The following GRIK4 variants were observed in gnomAD, a reference collection of about 807,000 sequenced individuals.
The protein encoded by GRIK4 is glutamate receptor ionotropic, kainate 4.
GRIK4 carries 40 observed loss-of-function variants against 104.9 expected under a neutral mutation model. The observed-to-expected ratio is 0.38, with a 90% CI of 0.30 to 0.50. GRIK4 has a LOEUF of 0.50. GRIK4 is among the 20% of genes least tolerant of loss of function. The pLI is 0.93. For missense variants in GRIK4, 1,047 were observed against 1,308.1 expected, an observed-to-expected ratio of 0.80 and a Z score of 3.08; for synonymous variants, 485 against 524.9, an observed-to-expected ratio of 0.92 and a Z score of 1.04.
intron 3 of GRIK4, among the ~76,000 whole-genome samples, chr11:120,660,651 T>C (rs1309219521): frequency 6.6e-6 from 1 of 152,148 alleles, no homozygotes; most frequent in Non-Finnish European, 1.5e-5. Context: ...GTGCAGTCAA[T>C]GTAGGTTCAG....
In GRIK4 at chr11:120,787,852, C is replaced by CTTTTTTTTTTTTTTTT. The variant is rs58523604; in HGVS notation, c.83-14827_83-14812dup. On this transcript the variant is annotated intron_variant, in intron 3 of 20. Transcript: ENST00000527524. ...TTTCTTCTCTTTTTTCTTTTCTTTT[C>CTTTTTTTTTTTTTTTT]TTTTTTTTTTTTTTTTTTTTTTTTT... Among the ~76,000 whole-genome samples, 12 of 77,114 alleles carry CTTTTTTTTTTTTTTTT rather than the reference C, an allele frequency of 1.6e-4. 2 individuals carry two copies. The highest frequency in any genetic ancestry group is 4.3e-4 in the African/African-American group (7 of 16,212). 50.6% of individuals were successfully genotyped at this position (77,114 alleles called of 152,430 possible). A position where few individuals can be genotyped will look rare whatever the true frequency, so the allele number is the denominator to read the frequency against.
intron 3 of GRIK4, among the ~76,000 whole-genome samples, chr11:120,704,047 C>T (rs1377228225): frequency 1.3e-5 from 2 of 152,160 alleles, no homozygotes; most frequent in Non-Finnish European, 2.9e-5. Context: ...AGGCGAAAAA[C>T]GAAACTCTTT....
chr11:120,982,354 G>A, intron 20 of GRIK4, 130 bp downstream of exon 20: 1 of 670,008 alleles, frequency 1.5e-6, no homozygotes, highest in East Asian at 2.5e-5. Flanking sequence ...GTGCCCAGCA[G>A]AGGGGATTTG....
chr11:120,791,893 A>T (rs568851660), intron 3 of GRIK4, among the ~76,000 whole-genome samples: 157 of 152,232 alleles, frequency 1.0e-3, no homozygotes, highest in African/African-American at 3.7e-3. Context: ...CACGGGTCAA[A>T]GTAGTAATTA....
intron 1 of GRIK4, among the ~76,000 whole-genome samples, chr11:120,642,014 C>G (rs1949477202): frequency 6.6e-6 from 1 of 152,180 alleles, no homozygotes; most frequent in African/African-American, 2.4e-5. Context: ...TTCCGGTGTT[C>G]CCATGGCAAC....
chr11:120,741,033 G>A (rs1286568949), intron 3 of GRIK4, among the ~76,000 whole-genome samples: 1 of 152,058 alleles, frequency 6.6e-6, no homozygotes, highest in African/African-American at 2.4e-5. Flanking sequence ...TGTGTGAGGG[G>A]CAAGTTTCTG....
chr11:120,780,467 T>G lies in GRIK4; in HGVS notation c.83-22226T>G, dbSNP rs184799334. On this transcript the variant is annotated intron_variant, in intron 3 of 20. Transcript: ENST00000527524. ...CTTGTAGTATGTGTCAGAATTTCCT[T>G]CCTTTGTAAGGCTGAATCATATTCC... Among the ~76,000 whole-genome samples, 168 of 152,346 alleles carry G rather than the reference T, an allele frequency of 1.1e-3. No individual in the cohort carries two copies. The East Asian group carries it at 0.022, about 20-fold the overall frequency.
chr11:120,579,227 C>A (rs545856647), intron 1 of GRIK4, among the ~76,000 whole-genome samples: 15 of 129,370 alleles, frequency 1.2e-4, no homozygotes, highest in African/African-American at 4.5e-4. Flanking sequence ...ACAAAATAAC[C>A]CCCCCCCCTT....
chr11:120,634,764 C>CGTGG (rs915428256), intron 1 of GRIK4, among the ~76,000 whole-genome samples: 2 of 152,092 alleles, frequency 1.3e-5, no homozygotes, highest in African/African-American at 4.8e-5. Context: ...AAGAGACCCT[C>CGTGG]GTGGGCAGGA....
Position 120,986,080 on chromosome 11 carries a change from G to T in GRIK4, c.2691G>T (p.Glu897Asp). ...ACGGGAAGCTGTGCGGGGCAGGGGA[G>T]CCCGACCAGCTCGCGCAGAGACTGG... Reference protein sequence around the residue: ...LSNGKLCGAGEPDQLAQRLAQ... With the variant: ...LSNGKLCGAGDPDQLAQRLAQ... The change falls in exon 21 of 21, where the codon GAG (glutamate) becomes GAT (aspartate). Residue 897 changes from glutamate to aspartate, a missense_variant. By Grantham distance (45) the Glu-to-Asp change is conservative (BLOSUM62 2). Coordinates refer to ENST00000527524, the MANE Select transcript of GRIK4 (RefSeq NM_014619.5). 1 of 1,511,988 alleles carries T rather than the reference G, an allele frequency of 6.6e-7. No homozygotes were observed. The allele number at this position is 1,511,988 out of a possible 1,614,324, so 93.7% of individuals were successfully genotyped here.
intron 20 of GRIK4, among the ~76,000 whole-genome samples, chr11:120,982,879 G>A (rs917153513): frequency 1.1e-4 from 17 of 152,134 alleles, no homozygotes; most frequent in Non-Finnish European, 2.5e-4. Flanking sequence ...GTGGAGTCTG[G>A]CCTCACATGG....
chr11:120,570,335 T>A (rs146977711), intron 1 of GRIK4, among the ~76,000 whole-genome samples: 32 of 152,360 alleles, frequency 2.1e-4, no homozygotes, highest in African/African-American at 7.0e-4. Flanking sequence ...CTCCCTTTTT[T>A]GAAATAATGG....
intron 3 of GRIK4, among the ~76,000 whole-genome samples, chr11:120,696,686 G>T (rs1411046687): frequency 6.6e-6 from 1 of 152,114 alleles, no homozygotes; most frequent in Non-Finnish European, 1.5e-5. Flanking sequence ...CAGGCCAGGT[G>T]AGAGAGGATG....
intron 3 of GRIK4, among the ~76,000 whole-genome samples, chr11:120,731,638 A>G (rs1338013463): frequency 6.6e-6 from 1 of 152,162 alleles, no homozygotes; most frequent in East Asian, 1.9e-4. Flanking sequence ...GAGTAGAATT[A>G]GTATTAGTTC....
chr11:120,532,079 G>A (rs564398840), intron 1 of GRIK4, among the ~76,000 whole-genome samples: 1 of 152,330 alleles, frequency 6.6e-6, no homozygotes, highest in Non-Finnish European at 1.5e-5. Context: ...GCAGGTGCAC[G>A]ATTGAACACG....
At chr11:120,815,246 G>A (rs367960997) in intron 4 of GRIK4, 132 bp from the exon 5 acceptor site, 4 of 611,394 alleles carry the variant, frequency 6.5e-6, no homozygotes, top group East Asian at 3.1e-5. Flanking sequence ...TCGAAGGGTT[G>A]GAGCAGGGGC....
intron 3 of GRIK4, among the ~76,000 whole-genome samples, chr11:120,762,991 A>G (rs761510717): frequency 2.0e-5 from 3 of 151,868 alleles, no homozygotes; most frequent in African/African-American, 7.3e-5. Context: ...CCCTTTTTCT[A>G]TTGTTTGGAA....
intron 1 of GRIK4, among the ~76,000 whole-genome samples, chr11:120,582,922 G>A (rs1948608433): frequency 6.6e-6 from 1 of 152,224 alleles, no homozygotes; most frequent in African/African-American, 2.4e-5. Flanking sequence ...AGTTCCTGGA[G>A]AAATTGCCAC....
At chr11:120,708,792 C>T (rs978885438) in intron 3 of GRIK4, among the ~76,000 whole-genome samples, 3 of 152,156 alleles carry the variant, frequency 2.0e-5, no homozygotes, top group African/African-American at 4.8e-5. Context: ...TGCGCAGGGC[C>T]CTGCTGCTGG....
Sources: gnomAD v4.1 joint callset for allele counts (sites outside exome capture counted in the v4.1 genomes callset) on GRCh38, gnomAD v4.1.1 for gene constraint, MANE v1.5 for transcripts, NCBI Gene and HGNC (gene_info 2026-07-23, HGNC 2026-07-21) for gene names.